PPM1D: variants seen among roughly 807,000 people sequenced by gnomAD.
The protein encoded by PPM1D is protein phosphatase, Mg2+/Mn2+ dependent 1D.
Under a neutral mutation model 58.3 loss-of-function variants are expected in PPM1D, and 52 were observed. The ratio of observed to expected loss-of-function variants is 0.89; its 90% CI spans 0.71 to 1.12. The LOEUF (loss-of-function observed/expected upper bound fraction) is 1.12. Among genes scored for constraint, PPM1D ranks in the 50% most tolerant of loss-of-function variants. PPM1D has a pLI of 0.00. For synonymous variants in PPM1D, 278 were observed against 285.1 expected (o/e 0.98, Z 0.25); for missense variants, 564 against 777.2 (o/e 0.73, Z 3.26).
intron 3 of PPM1D, among the ~76,000 whole-genome samples, chr17:60,645,502 A>ATATATATGTGTATATATATG (rs2031221379): frequency 7.6e-6 from 1 of 131,784 alleles, no homozygotes; most frequent in Non-Finnish European, 1.6e-5. Context: ...GTATGTGTAT[A>ATATATATGTGTATATATATG]TATATATGTG....
At chr17:60,630,767 A>G (rs2030905023) in intron 2 of PPM1D, among the ~76,000 whole-genome samples, 1 of 152,208 alleles carries the variant, frequency 6.6e-6, no homozygotes, top group African/African-American at 2.4e-5. Flanking sequence ...CTGCTCGTCT[A>G]GTTATGTTGG....
chr17:60,607,405 C>A (rs953865623), intron 1 of PPM1D, among the ~76,000 whole-genome samples: 1 of 152,210 alleles, frequency 6.6e-6, no homozygotes, highest in African/African-American at 2.4e-5. Context: ...GCCTCAGCTT[C>A]CCGAGTAACT....
intron 2 of PPM1D, among the ~76,000 whole-genome samples, chr17:60,629,731 TC>T (rs2030880232): frequency 6.6e-6 from 1 of 152,150 alleles, no homozygotes; most frequent in African/African-American, 2.4e-5. Context: ...TCATTAATCT[TC>T]CTTTTAAAAA....
At chr17:60,657,046 AT>A in intron 5 of PPM1D, 1 of 1,471,098 alleles carries the variant, frequency 6.8e-7, no homozygotes, top group Non-Finnish European at 9.0e-7. Context: ...TAAAAAGGTG[AT>A]TGTGGGCCCT....
chr17:60,651,406 T>A (rs140691770), intron 4 of PPM1D, among the ~76,000 whole-genome samples: 1 of 151,892 alleles, frequency 6.6e-6, no homozygotes, highest in African/African-American at 2.4e-5. Context: ...TTTTGGTTTT[T>A]TTTTTTTTTT....
chr17:60,611,564 A>C (rs1483429509), intron 1 of PPM1D, among the ~76,000 whole-genome samples: 3 of 151,928 alleles, frequency 2.0e-5, no homozygotes, highest in African/African-American at 4.8e-5. Context: ...GATTACAGGC[A>C]TGTGCTACAA....
chr17:60,606,041 T>G (rs2030323437), intron 1 of PPM1D, among the ~76,000 whole-genome samples: 1 of 152,250 alleles, frequency 6.6e-6, no homozygotes, highest in Non-Finnish European at 1.5e-5. Context: ...ATAGAAACTC[T>G]GTGTCCATTA....
intron 3 of PPM1D, among the ~76,000 whole-genome samples, chr17:60,643,090 A>G (rs2031168947): frequency 1.3e-5 from 2 of 151,156 alleles, no homozygotes; most frequent in South Asian, 4.2e-4. Context: ...AGGCCTGAGC[A>G]CAGTGACTTA....
chr17:60,610,302 G>C (rs1037210738), intron 1 of PPM1D, among the ~76,000 whole-genome samples: 5 of 152,092 alleles, frequency 3.3e-5, no homozygotes, highest in African/African-American at 1.2e-4. Context: ...TGCGATAAGG[G>C]GGTACTACTC....
intron 1 of PPM1D, among the ~76,000 whole-genome samples, chr17:60,601,097 C>T (rs2030199460): frequency 6.6e-6 from 1 of 152,206 alleles, no homozygotes. Context: ...TCCCTGCAGC[C>T]TATTCTTGCT....
At chr17:60,607,991 G>T (rs2030369463) in intron 1 of PPM1D, among the ~76,000 whole-genome samples, 1 of 152,190 alleles carries the variant, frequency 6.6e-6, no homozygotes. Context: ...TGGGGAGAGA[G>T]AATTGAATTT....
rs765212348 is a variant in PPM1D at position 60,633,177 on chromosome 17, C to T, written c.702-676C>T. On this transcript the variant is annotated intron_variant, in intron 2 of 5. Transcript: ENST00000305921. Reference sequence around the variant, plus strand: ...GCATACGCCTGTAATCCAAGCTACTCGGGAGGCTTAGGCAGGAGAATCGCT... The same window carrying T: ...GCATACGCCTGTAATCCAAGCTACTTGGGAGGCTTAGGCAGGAGAATCGCT... Among the ~76,000 whole-genome samples, 13 of 148,844 alleles carry T rather than the reference C, an allele frequency of 8.7e-5. 1 individual carries two copies. In the East Asian group the frequency reaches 1.0e-3, roughly 12 times the overall value.
Position 60,601,987 on chromosome 17 carries a change from A to G in PPM1D, c.472+1101A>G, listed in dbSNP as rs1244393300. The stretch of plus-strand genomic sequence containing the variant: ...TTTCAGCAGAGGGATAGAGACATAG[A>G]GAAAAGAGTTAGATTTAGCAAATAC... On this transcript the variant is annotated intron_variant, in intron 1 of 5. Coordinates refer to ENST00000305921, the MANE Select transcript of PPM1D (RefSeq NM_003620.4). Among the ~76,000 whole-genome samples, 6 of 152,248 alleles carry G rather than the reference A, an allele frequency of 3.9e-5. 1 individual carries two copies. Among genetic ancestry groups the G allele is most frequent in the Non-Finnish European group, 5.9e-5 (4 of 68,040 alleles).
chr17:60,650,104 A>G (rs2031316415), intron 4 of PPM1D, among the ~76,000 whole-genome samples: 1 of 152,216 alleles, frequency 6.6e-6, no homozygotes, highest in Admixed American at 6.5e-5. Flanking sequence ...CGTATAATGT[A>G]TAATTAGAAC....
At position 60,663,820 on chromosome 17, in the gene PPM1D, C is replaced by G; in HGVS notation, c.*268C>G. ...TCTGAATACACAGTATTCAGAGTCT[C>G]TGATACACAGTAATTGTGACAATAG... On this transcript the variant is annotated 3_prime_UTR_variant, in exon 6 of 6. Transcript: ENST00000305921. The G allele has an allele frequency of 2.9e-6, 1 of 341,258 alleles. No individual in the cohort carries two copies. The highest frequency in any genetic ancestry group is 5.2e-5 in the South Asian group (1 of 19,150). 21.1% of individuals were successfully genotyped at this position (341,258 alleles called of 1,614,324 possible). A position where few individuals can be genotyped will look rare whatever the true frequency, so the allele number is the denominator to read the frequency against.
intron 2 of PPM1D, among the ~76,000 whole-genome samples, chr17:60,631,206 G>A (rs1328283498): frequency 6.6e-6 from 1 of 152,070 alleles, no homozygotes; most frequent in Non-Finnish European, 1.5e-5. Flanking sequence ...TTTGGTCCCA[G>A]CTATTTGGGA....
intron 5 of PPM1D, among the ~76,000 whole-genome samples, chr17:60,658,713 C>T (rs906743852): frequency 6.6e-6 from 1 of 152,064 alleles, no homozygotes; most frequent in African/African-American, 2.4e-5. Flanking sequence ...CCTGTAATCC[C>T]AGCACTTTGG....
intron 1 of PPM1D, chr17:60,604,520 A>T (rs569446415): frequency 1.3e-5 from 2 of 152,338 alleles, no homozygotes; most frequent in South Asian, 4.2e-4. Flanking sequence ...AAGCCTGTTT[A>T]TGTAGTCTCC....
chr17:60,623,567 A>G lies in PPM1D; in HGVS notation c.519A>G (p.Thr173=). Residue 173 remains threonine, a synonymous_variant, in exon 2 of 6, where the codon ACA becomes ACG. Coordinates refer to ENST00000305921, the MANE Select transcript of PPM1D (RefSeq NM_003620.4). ...TMTGLPSTSG[T]TASVVIIRGM... ...CGGGTCTTCCTAGCACATCAGGGAC[A>G]ACTGCCAGTGTGGTCATCATTCGGG... 1 of 1,614,216 alleles carries G rather than the reference A, an allele frequency of 6.2e-7. No individual in the cohort carries two copies. The highest frequency in any genetic ancestry group is 8.5e-7 in the Non-Finnish European group (1 of 1,180,038).
Sources: gnomAD v4.1 joint callset for allele counts (sites outside exome capture counted in the v4.1 genomes callset) on GRCh38, gnomAD v4.1.1 for gene constraint, MANE v1.5 for transcripts, NCBI Gene and HGNC (gene_info 2026-07-23, HGNC 2026-07-21) for gene names.